TUSC3: variants seen among roughly 807,000 people sequenced by gnomAD.
TUSC3 encodes dolichyl-diphosphooligosaccharide--protein glycosyltransferase subunit TUSC3.
A neutral mutation model predicts 44.8 loss-of-function variants in TUSC3; 45 were observed. The ratio of observed to expected loss-of-function variants is 1.00; its 90% CI spans 0.79 to 1.29. The LOEUF (loss-of-function observed/expected upper bound fraction) is 1.29, where lower values mean the gene tolerates loss of function less well. Ranked by LOEUF, TUSC3 falls within the 50% of genes most tolerant of loss-of-function variation. The probability of loss-of-function intolerance (pLI) is 0.00; values close to 1 mark genes in which losing one functional copy is unlikely to be tolerated. For synonymous variants in TUSC3, 212 were observed against 152.9 expected (o/e 1.39, Z -2.85); for missense variants, 519 against 437.9 (o/e 1.19, Z -1.65).
chr8:15,807,036 TG>T, the TUSC3 span: 1 of 1,427,928 alleles, frequency 7.0e-7, no homozygotes, highest in Non-Finnish European at 9.9e-7. Flanking sequence ...CTGTAAATCC[TG>T]GTTATCGGCG....
At chr8:15,802,066 C>T in the TUSC3 span, among the ~76,000 whole-genome samples, 4 of 152,116 alleles carry the variant, frequency 2.6e-5, no homozygotes, top group Admixed American at 1.3e-4. Context: ...GGGAAGCTGC[C>T]GTGCTGTTAC....
chr8:15,450,493 G>C (rs1331471280), intron 1 of TUSC3, among the ~76,000 whole-genome samples: 2 of 152,058 alleles, frequency 1.3e-5, no homozygotes, highest in African/African-American at 4.8e-5. Flanking sequence ...AGCCCAGCCT[G>C]ACCAAGATGG....
intron 1 of TUSC3, among the ~76,000 whole-genome samples, chr8:15,564,393 A>G (rs574353046): frequency 5.9e-5 from 9 of 152,162 alleles, no homozygotes; most frequent in Non-Finnish European, 1.3e-4. Context: ...GAGTAGTATT[A>G]TAAAAAAGAA....
At chr8:15,469,300 C>G (rs1387202726) in intron 1 of TUSC3, among the ~76,000 whole-genome samples, 1 of 152,156 alleles carries the variant, frequency 6.6e-6, no homozygotes, top group African/African-American at 2.4e-5. Context: ...ACAAAGAACT[C>G]TTTAATTTCA....
intron 6 of TUSC3, among the ~76,000 whole-genome samples, chr8:15,702,147 T>G (rs73665483): frequency 1.3e-5 from 2 of 152,248 alleles, no homozygotes; most frequent in African/African-American, 4.8e-5. Context: ...CTGATGGGGC[T>G]TCCTTTTGTA....
chr8:15,767,202 T>C (rs1174962524), downstream of TUSC3, among the ~76,000 whole-genome samples: 1 of 152,108 alleles, frequency 6.6e-6, no homozygotes, highest in Admixed American at 6.6e-5. Flanking sequence ...TTATGAATTT[T>C]CGATATTCCT....
chr8:15,567,639 C>T (rs1276147450), intron 1 of TUSC3, among the ~76,000 whole-genome samples: 3 of 152,082 alleles, frequency 2.0e-5, no homozygotes, highest in Non-Finnish European at 4.4e-5. Flanking sequence ...TGCAGTCAAG[C>T]ATGAGAGTGA....
chr8:15,430,200 CT>C (rs1488557111), intron 1 of TUSC3, among the ~76,000 whole-genome samples: 1 of 145,868 alleles, frequency 6.9e-6, no homozygotes, highest in Non-Finnish European at 1.5e-5. Flanking sequence ...GACCAATACC[CT>C]TGATGAACAT....
the TUSC3 span, among the ~76,000 whole-genome samples, chr8:15,817,712 T>G: frequency 1.3e-5 from 2 of 152,174 alleles, no homozygotes; most frequent in Non-Finnish European, 2.9e-5. Context: ...TGTAGAACTG[T>G]GAGTCAATTA....
At position 15,566,461 on chromosome 8, in the gene TUSC3, AT is replaced by A. The variant is rs1178419422; in HGVS notation, c.138+25898del. 3.3e-5 allele frequency among the ~76,000 whole-genome samples: 5 copies of A among 152,208 alleles called. No individual in the cohort carries two copies. In the East Asian group the frequency reaches 9.7e-4, roughly 29 times the overall value. On this transcript the variant is annotated intron_variant, in intron 1 of 10. Transcript: ENST00000503731. ...AAGATGAGGGGGCCTAAGTTTAAAGATTTTTGTCACATGGTAACAGCTGCTA... is the reference window on the plus strand; with the variant it reads ...AAGATGAGGGGGCCTAAGTTTAAAGATTTTGTCACATGGTAACAGCTGCTA...
intron 8 of TUSC3, among the ~76,000 whole-genome samples, chr8:15,745,988 G>C (rs114398058): frequency 0.032 from 4,940 of 152,160 alleles, 234 homozygotes; most frequent in African/African-American, 0.11. Context: ...TGGCTAGCCA[G>C]TTATCCCAGC....
intron 1 of TUSC3, among the ~76,000 whole-genome samples, chr8:15,585,816 A>G (rs1032464044): frequency 6.6e-6 from 1 of 152,092 alleles, no homozygotes; most frequent in African/African-American, 2.4e-5. Context: ...AAAAGATTCA[A>G]CGGAGGACCC....
chr8:15,486,735 G>T (rs1019843593), intron 2 of TUSC3, among the ~76,000 whole-genome samples: 1 of 152,044 alleles, frequency 6.6e-6, no homozygotes. Flanking sequence ...AAGCCACCGC[G>T]CCTGGCCTCC....
At chr8:15,471,898 A>G (rs1800498963) in intron 1 of TUSC3, among the ~76,000 whole-genome samples, 1 of 152,182 alleles carries the variant, frequency 6.6e-6, no homozygotes. Flanking sequence ...GATTACAGGC[A>G]TGAGCTGCCA....
At position 15,563,181 on chromosome 8, in the gene TUSC3, A is replaced by G. The variant is rs375110903; in HGVS notation, c.138+22613A>G. On this transcript the variant is annotated intron_variant, in intron 1 of 10. Transcript: ENST00000503731. ...TAATATAAGACATTTACCAATGACT[A>G]TAAAATTAAAGTGATGATAACTTTA... Among the ~76,000 whole-genome samples, 36 of 152,314 alleles carry G rather than the reference A, an allele frequency of 2.4e-4. No individual in the cohort carries two copies. In the East Asian group the frequency reaches 3.7e-3, roughly 16 times the overall value.
At chr8:15,626,575 G>C (rs1218841200) in intron 2 of TUSC3, among the ~76,000 whole-genome samples, 1 of 152,216 alleles carries the variant, frequency 6.6e-6, no homozygotes, top group African/African-American at 2.4e-5. Flanking sequence ...ACCTGCGACT[G>C]CGGACTCAGG....
intron 5 of TUSC3, among the ~76,000 whole-genome samples, chr8:15,665,190 A>G (rs548564184): frequency 1.5e-4 from 23 of 151,728 alleles, no homozygotes; most frequent in Non-Finnish European, 2.4e-4. Flanking sequence ...TTGACTGGAC[A>G]GTAAAAGGAA....
chr8:15,699,654 T>C (rs915332329), intron 6 of TUSC3, among the ~76,000 whole-genome samples: 1 of 152,184 alleles, frequency 6.6e-6, no homozygotes, highest in Non-Finnish European at 1.5e-5. Flanking sequence ...CCCTTTAATA[T>C]GAGTTTGAAA....
In TUSC3 at chr8:15,510,271, A is replaced by C. The variant is rs74967851; in HGVS notation, n.189+26788A>C. ...ACCAATGCAATAGAAAACCTAAAAGAAAAAAGGGAAAAAGAAAAGAATTGG... is the reference window on the plus strand; with the variant it reads ...ACCAATGCAATAGAAAACCTAAAAGCAAAAAGGGAAAAAGAAAAGAATTGG... On this transcript the variant is annotated intron_variant and non_coding_transcript_variant, in intron 2 of 5. Coordinates refer to the TUSC3 transcript ENST00000503191. Among the ~76,000 whole-genome samples, 3 of 152,290 alleles carry C rather than the reference A, an allele frequency of 2.0e-5. No individual in the cohort carries two copies. In the East Asian group the frequency reaches 5.8e-4, roughly 29 times the overall value.
Sources: gnomAD v4.1 joint callset for allele counts (sites outside exome capture counted in the v4.1 genomes callset) on GRCh38, gnomAD v4.1.1 for gene constraint, MANE v1.5 for transcripts, NCBI Gene and HGNC (gene_info 2026-07-23, HGNC 2026-07-21) for gene names.